B3GALT1: variants seen among roughly 807,000 people sequenced by gnomAD.
B3GALT1 encodes UDP-Gal:betaGlcNAc beta 1,3-galactosyltransferase, polypeptide 1.
A neutral mutation model predicts 23.2 loss-of-function variants in B3GALT1; 10 were observed. The observed-to-expected ratio is 0.43, with a 90% CI of 0.27 to 0.73. The LOEUF (loss-of-function observed/expected upper bound fraction) is 0.73. Ranked by LOEUF, B3GALT1 falls within the 30% of genes least tolerant of loss-of-function variation. B3GALT1 has a pLI of 0.21. For missense variants in B3GALT1, 299 were observed against 405.4 expected, an observed-to-expected ratio of 0.74 and a Z score of 2.25; for synonymous variants, 156 against 141.5, an observed-to-expected ratio of 1.10 and a Z score of -0.73.
chr2:167,759,610 A>G (rs1223275333), intron 3 of B3GALT1, among the ~76,000 whole-genome samples: 1 of 152,194 alleles, frequency 6.6e-6, no homozygotes, highest in Non-Finnish European at 1.5e-5. Context: ...ACTGAGAGCT[A>G]GTTGTTAGGA....
chr2:167,869,534 T>G lies in B3GALT1; in HGVS notation c.495T>G (p.Thr165=). The G allele has an allele frequency of 6.2e-7, 1 of 1,614,044 alleles. No homozygotes were observed. The highest frequency in any genetic ancestry group is 8.5e-7 in the Non-Finnish European group (1 of 1,180,016). Residue 165 remains threonine (T), a synonymous_variant, in exon 5 of 5, where the codon ACT becomes ACG. Transcript: ENST00000392690. This position sits in a 1 kb window ranked among gnomAD's most constrained non-coding sequence, Gnocchi z 6.4. ...KTLMGMRWVA[T]FCSKAKYVMK... ...TAATGGGGATGAGATGGGTGGCCAC[T>G]TTTTGTTCAAAAGCCAAGTATGTCA...
chr2:167,337,337 C>A (rs771047021), intron 1 of B3GALT1, among the ~76,000 whole-genome samples: 2 of 151,842 alleles, frequency 1.3e-5, no homozygotes, highest in Non-Finnish European at 2.9e-5. Context: ...GCCACTCTCT[C>A]CAAATGCGTG....
rs572412171 is a variant in B3GALT1, at chr2:167,347,742, A to T, written c.-511+54408A>T. Reference sequence around the variant, plus strand: ...TTCTATCATTCTTGCTTCAGTAACCATGCGTTTGTTGCTTTTCCTTATGGA... The same window carrying T: ...TTCTATCATTCTTGCTTCAGTAACCTTGCGTTTGTTGCTTTTCCTTATGGA... On this transcript the variant is annotated intron_variant, in intron 1 of 4. Transcript: ENST00000392690. 4.5e-4 allele frequency among the ~76,000 whole-genome samples: 68 copies of T among 152,174 alleles called. 1 individual carries two copies. The highest frequency in any genetic ancestry group is 1.6e-3 in the African/African-American group (67 of 41,536).
At chr2:167,736,043 T>C (rs778147217) in intron 3 of B3GALT1, among the ~76,000 whole-genome samples, 29 of 152,180 alleles carry the variant, frequency 1.9e-4, no homozygotes, top group Non-Finnish European at 4.1e-4. Flanking sequence ...GTTTTATTGA[T>C]GAAAGACCAA....
chr2:167,497,760 G>T (rs1434544923), intron 2 of B3GALT1, among the ~76,000 whole-genome samples: 1 of 151,868 alleles, frequency 6.6e-6, no homozygotes, highest in Non-Finnish European at 1.5e-5. Flanking sequence ...AAAGACTGGA[G>T]AAACAAGAAC....
chr2:167,493,132 T>C (rs1050190224), intron 2 of B3GALT1, among the ~76,000 whole-genome samples: 1 of 152,196 alleles, frequency 6.6e-6, no homozygotes, highest in Non-Finnish European at 1.5e-5. Flanking sequence ...GCAGTATCAA[T>C]TTTTGTATTC....
At chr2:167,484,804 C>G (rs1028584984) in intron 1 of B3GALT1, among the ~76,000 whole-genome samples, 2 of 152,168 alleles carry the variant, frequency 1.3e-5, no homozygotes, top group African/African-American at 2.4e-5. Flanking sequence ...AGGGGATTCT[C>G]TACAGAATGT....
chr2:167,613,918 C>T (rs1260862102), intron 2 of B3GALT1, among the ~76,000 whole-genome samples: 1 of 151,590 alleles, frequency 6.6e-6, no homozygotes, highest in Non-Finnish European at 1.5e-5. Context: ...GTTTTTTTCC[C>T]TTGACATTAT....
chr2:167,755,813 C>T (rs1687806462), intron 3 of B3GALT1, among the ~76,000 whole-genome samples: 1 of 151,406 alleles, frequency 6.6e-6, no homozygotes, highest in Non-Finnish European at 1.5e-5. Flanking sequence ...ACAAAAATAA[C>T]AACACAAATA....
intron 2 of B3GALT1, among the ~76,000 whole-genome samples, chr2:167,612,566 G>A (rs529200610): frequency 4.0e-5 from 6 of 151,712 alleles, no homozygotes; most frequent in Non-Finnish European, 8.8e-5. Flanking sequence ...ATAGGTGATC[G>A]AGGTTTCTTT....
chr2:167,378,880 A>G (rs1218163142), intron 1 of B3GALT1, among the ~76,000 whole-genome samples: 1 of 152,152 alleles, frequency 6.6e-6, no homozygotes, highest in East Asian at 1.9e-4. Flanking sequence ...TGGTGGTGCC[A>G]CTACATTCAG....
At chr2:167,418,842 C>T (rs1035588802) in intron 1 of B3GALT1, among the ~76,000 whole-genome samples, 10 of 152,108 alleles carry the variant, frequency 6.6e-5, no homozygotes, top group Non-Finnish European at 8.8e-5. Flanking sequence ...CAGCCTCTTC[C>T]GCTTTCTTCT....
At chr2:167,785,487 A>T (rs1459645061) in intron 3 of B3GALT1, among the ~76,000 whole-genome samples, 1 of 152,194 alleles carries the variant, frequency 6.6e-6, no homozygotes, top group African/African-American at 2.4e-5. Flanking sequence ...TCTAGAAAGG[A>T]TCCACATACC....
chr2:167,576,531 T>G lies in B3GALT1; in HGVS notation c.-409-70378T>G, dbSNP rs202097832. 9.5e-4 allele frequency among the ~76,000 whole-genome samples: 133 copies of G among 140,222 alleles called. 2 individuals are homozygous for G. The highest frequency in any genetic ancestry group is 6.9e-3 in the South Asian group (30 of 4,378). The allele number at this position is 140,222 out of a possible 152,430, so 92.0% of individuals were successfully genotyped here. On this transcript the variant is annotated intron_variant, in intron 2 of 4. Transcript: ENST00000392690. ...TTTTTTGTTTTTCTGTTTTTTTTTT[T>G]GTTTTTTTTTTTTGTTTTTTTTTCA... is the stretch of plus-strand genomic sequence containing the variant.
chr2:167,692,445 T>A (rs1686729570), intron 3 of B3GALT1, among the ~76,000 whole-genome samples: 1 of 152,102 alleles, frequency 6.6e-6, no homozygotes, highest in African/African-American at 2.4e-5. Context: ...ATGGCATAAT[T>A]TCCATGATAT....
chr2:167,809,091 G>A (rs1006967662), intron 3 of B3GALT1, among the ~76,000 whole-genome samples: 1 of 152,122 alleles, frequency 6.6e-6, no homozygotes. Context: ...ACTGAGGCTT[G>A]TGCATTCGTC....
At chr2:167,551,790 A>G (rs1229567990) in intron 2 of B3GALT1, among the ~76,000 whole-genome samples, 1 of 152,098 alleles carries the variant, frequency 6.6e-6, no homozygotes, top group Admixed American at 6.6e-5. Flanking sequence ...GCTCAAGAGT[A>G]GGGGTGACTT....
intron 2 of B3GALT1, among the ~76,000 whole-genome samples, chr2:167,550,361 A>C (rs1683724102): frequency 6.6e-6 from 1 of 152,238 alleles, no homozygotes; most frequent in Non-Finnish European, 1.5e-5. Context: ...AGTCTCCAGA[A>C]ACTTACTTTT....
At chr2:167,661,288 G>C (rs932140810) in intron 3 of B3GALT1, among the ~76,000 whole-genome samples, 1 of 152,012 alleles carries the variant, frequency 6.6e-6, no homozygotes, top group Admixed American at 6.6e-5. Context: ...AAGCCAGAAA[G>C]CAATTTCTAT....
Sources: allele counts gnomAD v4.1 joint callset (sites outside exome capture counted in the v4.1 genomes callset), GRCh38; gene constraint gnomAD v4.1.1; non-coding constraint Gnocchi (gnomAD v3.1); transcripts MANE v1.5; gene names NCBI Gene and HGNC (gene_info 2026-07-23, HGNC 2026-07-21).